Variants in ABCC11 observed in about 807,000 individuals in gnomAD.
The protein encoded by ABCC11 is ATP binding cassette subfamily C member 11, also known as ATP-binding cassette sub-family C member 11.
Under a neutral mutation model 149.3 loss-of-function variants are expected in ABCC11, and 135 were observed. The ratio of observed to expected loss-of-function variants is 0.90; its 90% CI spans 0.79 to 1.04. The LOEUF (loss-of-function observed/expected upper bound fraction) is 1.04, where lower values mean the gene tolerates loss of function less well. Among genes scored for constraint, ABCC11 ranks in the 50% least tolerant of loss-of-function variants. ABCC11 has a pLI of 0.00. For synonymous variants in ABCC11, 665 were observed against 671.4 expected (o/e 0.99, Z 0.15); for missense variants, 1,680 against 1,722.1 (o/e 0.98, Z 0.43).
rs1472407183 is a variant in ABCC11, at chr16:48,220,226, G to A, written c.777+2372C>T. On this transcript the variant is annotated intron_variant, in intron 6 of 29. Coordinates refer to ENST00000356608, the MANE Select transcript of ABCC11 (RefSeq NM_001370497.1). ...GGGTGACTGCAAGGGTTGAAGACCCGGACTCTGCAGCCAGGCACCATGTCC... is the reference window on the plus strand; with the variant it reads ...GGGTGACTGCAAGGGTTGAAGACCCAGACTCTGCAGCCAGGCACCATGTCC... 3.3e-5 allele frequency among the ~76,000 whole-genome samples: 5 copies of A among 152,268 alleles called. No individual in the cohort carries two copies. The East Asian group carries it at 9.7e-4, about 29-fold the overall frequency.
At chr16:48,245,561 C>T (rs904527235) in intron 1 of ABCC11, among the ~76,000 whole-genome samples, 6 of 152,136 alleles carry the variant, frequency 3.9e-5, no homozygotes, top group East Asian at 1.9e-4. Flanking sequence ...TGGTTTGCTG[C>T]GATTGTCTGT....
chr16:48,203,895 G>A (rs917689815), intron 13 of ABCC11, among the ~76,000 whole-genome samples: 2 of 152,188 alleles, frequency 1.3e-5, no homozygotes, highest in Non-Finnish European at 2.9e-5. Context: ...CTATTACAGT[G>A]TCTTACGTAT....
intron 17 of ABCC11, 123 bp from the exon 18 acceptor site, chr16:48,196,444 T>A: frequency 1.1e-6 from 1 of 877,158 alleles, no homozygotes; most frequent in Non-Finnish European, 1.8e-6. Context: ...CCCACCTATG[T>A]CTAAGGTTTT....
intron 23 of ABCC11, 134 bp downstream of exon 23, chr16:48,184,306 A>G (rs1034746607): frequency 1.5e-5 from 17 of 1,102,586 alleles, no homozygotes; most frequent in South Asian, 1.5e-4. Flanking sequence ...GGCCAAGCAC[A>G]TAGCTCCTAA....
rs2150950872 is a variant in ABCC11 at position 48,244,704 on chromosome 16, C to A, written c.-19+2610G>T. 7 of 1,022,144 alleles carry A rather than the reference C, an allele frequency of 6.8e-6. No homozygotes were observed. In the Admixed American group the frequency reaches 1.7e-4, roughly 25 times the overall value. The allele number at this position is 1,022,144 out of a possible 1,614,324, so 63.3% of individuals were successfully genotyped here. On this transcript the variant is annotated intron_variant, in intron 1 of 29. Transcript: ENST00000356608. ...GGCCCAGGCCACGGCCTGCCTTGAG[C>A]GCGAGGCTCAGTTCGGGGCGGCCTT...
intron 12 of ABCC11, among the ~76,000 whole-genome samples, chr16:48,206,167 C>T (rs1968433707): frequency 6.6e-6 from 1 of 152,146 alleles, no homozygotes; most frequent in East Asian, 1.9e-4. Flanking sequence ...CCATGCACAC[C>T]AAAAGTTCCA....
intron 24 of ABCC11, among the ~76,000 whole-genome samples, chr16:48,178,131 C>T (rs746487308): frequency 3.3e-5 from 5 of 152,120 alleles, no homozygotes; most frequent in East Asian, 1.9e-4. Flanking sequence ...GGCAAAGGGA[C>T]GCTATTGTCT....
intron 12 of ABCC11, among the ~76,000 whole-genome samples, chr16:48,207,887 C>G (rs939573799): frequency 6.6e-6 from 1 of 151,996 alleles, no homozygotes; most frequent in East Asian, 1.9e-4. Flanking sequence ...GTAAGACTGC[C>G]CCATCCCATC....
intron 1 of ABCC11, among the ~76,000 whole-genome samples, chr16:48,237,180 T>C (rs1451824211): frequency 6.6e-6 from 1 of 152,202 alleles, no homozygotes; most frequent in African/African-American, 2.4e-5. Context: ...GGAGAGACCC[T>C]TGATGAAAAG....
At chr16:48,241,258 T>C (rs28842015) in intron 1 of ABCC11, among the ~76,000 whole-genome samples, 1 of 152,058 alleles carries the variant, frequency 6.6e-6, no homozygotes, top group Admixed American at 6.5e-5. Flanking sequence ...TTCATGGTAT[T>C]TGGCCCCAAA....
rs1482750147 is a variant in ABCC11, at chr16:48,196,223, G to C, written c.2404+9C>G. 2 of 1,613,846 alleles carry C rather than the reference G, an allele frequency of 1.2e-6. No individual in the cohort carries two copies. Among genetic ancestry groups the C allele is most frequent in the African/African-American group, 2.7e-5 (2 of 74,910 alleles). On this transcript the variant is annotated intron_variant, in intron 18 of 29. Transcript: ENST00000356608. The stretch of plus-strand genomic sequence containing the variant: ...AAGAGAGAGCCCTGGGCTGGCATGG[G>C]GACCGTACCTCCAGCTGCCTGGATG...
chr16:48,186,241 C>T (rs1051225028), intron 22 of ABCC11, among the ~76,000 whole-genome samples: 3 of 152,192 alleles, frequency 2.0e-5, no homozygotes, highest in East Asian at 1.9e-4. Flanking sequence ...GGCTTCAAGG[C>T]CAGCTCAGAT....
At chr16:48,240,345 T>C (rs1200781619) in intron 1 of ABCC11, among the ~76,000 whole-genome samples, 9 of 152,086 alleles carry the variant, frequency 5.9e-5, no homozygotes, top group Admixed American at 1.3e-4. Flanking sequence ...TATGCAGCCA[T>C]GAAAAGGAAT....
Position 48,227,093 on chromosome 16 carries a change from G to T in ABCC11, c.395+713C>A, listed in dbSNP as rs558596938. ...GCGGTGGCTTGAGCACTGGGAGACTGGGCCACTTACCCAAAGTAATACTCA... is the reference window on the plus strand; with the variant it reads ...GCGGTGGCTTGAGCACTGGGAGACTTGGCCACTTACCCAAAGTAATACTCA... On this transcript the variant is annotated intron_variant, in intron 4 of 29. Coordinates refer to ENST00000356608, the MANE Select transcript of ABCC11 (RefSeq NM_001370497.1). 4.6e-5 allele frequency among the ~76,000 whole-genome samples: 7 copies of T among 152,254 alleles called. No individual in the cohort carries two copies. The South Asian group carries it at 1.5e-3, about 32-fold the overall frequency.
intron 14 of ABCC11, among the ~76,000 whole-genome samples, chr16:48,201,971 G>C (rs1219615550): frequency 6.6e-6 from 1 of 152,194 alleles, no homozygotes; most frequent in Non-Finnish European, 1.5e-5. Flanking sequence ...AATGGTGGCA[G>C]AGAAAACTCC....
chr16:48,197,374 G>A (rs145805686), intron 17 of ABCC11, among the ~76,000 whole-genome samples: 64 of 152,280 alleles, frequency 4.2e-4, no homozygotes, highest in Non-Finnish European at 6.3e-4. Flanking sequence ...CAGGTACTGT[G>A]TAGGGGGCTT....
chr16:48,171,197 AT>A lies in ABCC11; in HGVS notation c.3699-231del, dbSNP rs1393999562. Reference sequence around the variant, plus strand: ...CACCTCCTCCCCAGTCCCCCAGCCCATGTGTTCCAGGGCAGGCTCCACCATC... The same window carrying A: ...CACCTCCTCCCCAGTCCCCCAGCCCAGTGTTCCAGGGCAGGCTCCACCATC... On this transcript the variant is annotated intron_variant, in intron 26 of 29. Transcript: ENST00000356608. Among the ~76,000 whole-genome samples, 109 of 152,254 alleles carry A rather than the reference AT, an allele frequency of 7.2e-4. 2 individuals are homozygous for A. Among genetic ancestry groups the A allele is most frequent in the African/African-American group, 2.5e-3 (103 of 41,564 alleles).
At chr16:48,170,839 C>T in intron 27 of ABCC11, 50 bp downstream of exon 27, 2 of 1,541,724 alleles carry the variant, frequency 1.3e-6, no homozygotes, top group African/African-American at 1.4e-5. Flanking sequence ...GGGCAGCCCC[C>T]CATGGGCGAT....
rs1417315480 is a variant in ABCC11, at chr16:48,184,502, C to A, written c.3196G>T (p.Ala1066Ser). 6.2e-7 allele frequency: 1 copy of A among 1,614,178 alleles called. No homozygotes were observed. Among genetic ancestry groups the A allele is most frequent in the South Asian group, 1.1e-5 (1 of 91,084 alleles). The change falls in exon 23 of 30, where the codon GCT becomes TCT. Residue 1066 changes from alanine to serine, a missense_variant. Transcript: ENST00000356608. ...TAGGGGGTGGAGGAAATGCCAAAAG[C>A]CACGAACAGGGCAACAGCCAAGGTC... Reference protein sequence around the residue: ...LVTLAVALFVAFGISSTPYSF... With the variant: ...LVTLAVALFVSFGISSTPYSF...
Sources: gnomAD v4.1 joint callset for allele counts (sites outside exome capture counted in the v4.1 genomes callset) on GRCh38, gnomAD v4.1.1 for gene constraint, MANE v1.5 for transcripts, NCBI Gene and HGNC (gene_info 2026-07-23, HGNC 2026-07-21) for gene names.